The following SEMA5B variants were observed in gnomAD, a reference collection of about 807,000 sequenced individuals.
The protein encoded by SEMA5B is semaphorin 5B.
SEMA5B carries 66 observed loss-of-function variants against 135.0 expected under a neutral mutation model. That is an observed-to-expected ratio of 0.49 (90% CI 0.40 to 0.60). The LOEUF (loss-of-function observed/expected upper bound fraction) is 0.60, where lower values mean the gene tolerates loss of function less well. Ranked by LOEUF, SEMA5B falls within the 20% of genes least tolerant of loss-of-function variation. The pLI, the probability that SEMA5B is intolerant of heterozygous loss-of-function variation, is 0.00. For synonymous variants in SEMA5B, 690 were observed against 639.5 expected (o/e 1.08, Z -1.19); for missense variants, 1,501 against 1,566.3 (o/e 0.96, Z 0.70).
chr3:122,913,764 G>T (rs1937910283), intron 15 of SEMA5B, 83 bp from the exon 16 acceptor site: 4 of 1,576,972 alleles, frequency 2.5e-6, no homozygotes, highest in African/African-American at 1.3e-5. Flanking sequence ...AGACCGGAAA[G>T]GACGAGAGTC....
chr3:122,912,867 C>T lies in SEMA5B; in HGVS notation c.2701G>A (p.Asp901Asn). The T allele has an allele frequency of 6.3e-7, 1 of 1,598,716 alleles. No individual in the cohort carries two copies. The highest frequency in any genetic ancestry group is 8.5e-7 in the Non-Finnish European group (1 of 1,171,704). ...PCVGDAAEYQ[D>N]CNPQACPVRG... The stretch of plus-strand genomic sequence containing the variant: ...CCTGGGCAAGCCTGGGGGTTGCAGT[C>T]CTGGTACTCGGCAGCATCGCCCACG... Residue 901 changes from aspartate (D) to asparagine (N), a missense_variant, in exon 18 of 23, where the codon GAC becomes AAC. Transcript: ENST00000357599.
intron 1 of SEMA5B, among the ~76,000 whole-genome samples, chr3:123,025,983 A>T (rs748024733): frequency 2.0e-5 from 3 of 152,174 alleles, no homozygotes; most frequent in Non-Finnish European, 2.9e-5. Context: ...CCCGGCTTAG[A>T]AAAGGTGAGA....
chr3:122,942,269 G>A (rs1245841424), intron 4 of SEMA5B, among the ~76,000 whole-genome samples: 1 of 152,158 alleles, frequency 6.6e-6, no homozygotes, highest in Non-Finnish European at 1.5e-5. Context: ...CCCCAGGACA[G>A]GAACCCAGCT....
chr3:123,007,404 A>C (rs1383281931), intron 1 of SEMA5B, among the ~76,000 whole-genome samples: 1 of 152,170 alleles, frequency 6.6e-6, no homozygotes, highest in African/African-American at 2.4e-5. Context: ...TCTGCTAAGC[A>C]CTTCTCAATT....
At chr3:122,992,231 A>C (rs1457419143) in intron 1 of SEMA5B, among the ~76,000 whole-genome samples, 1 of 152,236 alleles carries the variant, frequency 6.6e-6, no homozygotes, top group African/African-American at 2.4e-5. Flanking sequence ...TGCTGATAGC[A>C]AAGTGACTCT....
chr3:122,984,461 C>T (rs1461656815), intron 1 of SEMA5B, among the ~76,000 whole-genome samples: 1 of 152,254 alleles, frequency 6.6e-6, no homozygotes, highest in South Asian at 2.1e-4. Flanking sequence ...ATGCCCATGC[C>T]TCTTCACGTC....
At position 122,976,480 on chromosome 3, in the gene SEMA5B, A is replaced by G. The variant is rs546813478; in HGVS notation, c.-38-15179T>C. Among the ~76,000 whole-genome samples the G allele has an allele frequency of 1.5e-3, 231 of 152,258 alleles. 1 individual carries two copies. Among genetic ancestry groups the G allele is most frequent in the African/African-American group, 5.2e-3 (218 of 41,552 alleles). The stretch of plus-strand genomic sequence containing the variant: ...ACAGCTGGTTGGGCCTCACCTGCAG[A>G]GATTCTGATTTAATTGATCTGGGGT... On this transcript the variant is annotated intron_variant, in intron 1 of 22. Transcript: ENST00000357599.
chr3:122,976,586 G>T (rs1459769637), intron 1 of SEMA5B, among the ~76,000 whole-genome samples: 1 of 152,146 alleles, frequency 6.6e-6, no homozygotes, highest in Non-Finnish European at 1.5e-5. Context: ...TTAAAAGACT[G>T]CACAGTGAAC....
At chr3:123,019,871 C>T (rs1237232944) in intron 1 of SEMA5B, among the ~76,000 whole-genome samples, 1 of 152,196 alleles carries the variant, frequency 6.6e-6, no homozygotes, top group Non-Finnish European at 1.5e-5. Context: ...TTCTGTGGAA[C>T]TGATCTGGAG....
At chr3:123,011,332 A>T (rs188583771) in intron 1 of SEMA5B, among the ~76,000 whole-genome samples, 14 of 152,222 alleles carry the variant, frequency 9.2e-5, no homozygotes, top group African/African-American at 3.4e-4. Flanking sequence ...TCGATCATCC[A>T]AGACATGGTC....
chr3:122,928,965 G>A (rs1411415071), intron 6 of SEMA5B, 31 bp downstream of exon 6: 1 of 1,609,384 alleles, frequency 6.2e-7, no homozygotes. Flanking sequence ...CCAGCTCCAG[G>A]TGGGGCCCCT....
chr3:122,977,406 G>A (rs1185928125), intron 1 of SEMA5B, among the ~76,000 whole-genome samples: 5 of 152,184 alleles, frequency 3.3e-5, no homozygotes, highest in Non-Finnish European at 7.3e-5. Flanking sequence ...TACTCATACC[G>A]AAATACTCTT....
At chr3:123,016,890 AT>A (rs59106085) in intron 1 of SEMA5B, among the ~76,000 whole-genome samples, 12,505 of 108,714 alleles carry the variant, frequency 0.12, 459 homozygotes, top group African/African-American at 0.17. Flanking sequence ...CCTCAGGTGC[AT>A]TTTTTTTTTT....
intron 1 of SEMA5B, among the ~76,000 whole-genome samples, chr3:123,014,490 G>A (rs1364473139): frequency 1.3e-5 from 2 of 152,228 alleles, no homozygotes; most frequent in East Asian, 3.9e-4. Context: ...AAGCTGGAAG[G>A]CAGTAGCATT....
intron 1 of SEMA5B, among the ~76,000 whole-genome samples, chr3:122,992,277 G>A (rs1941903474): frequency 6.6e-6 from 1 of 152,202 alleles, no homozygotes; most frequent in South Asian, 2.1e-4. Flanking sequence ...GGGGCTCCAG[G>A]GCAAAAGCAG....
intron 1 of SEMA5B, among the ~76,000 whole-genome samples, chr3:123,006,091 C>T (rs1192479018): frequency 2.0e-5 from 3 of 152,184 alleles, no homozygotes; most frequent in Admixed American, 6.5e-5. Flanking sequence ...GCTCTGTCAA[C>T]CTAAAAGCAC....
intron 22 of SEMA5B, among the ~76,000 whole-genome samples, chr3:122,910,592 G>A (rs917877892): frequency 2.0e-5 from 3 of 152,028 alleles, no homozygotes; most frequent in East Asian, 1.9e-4. Flanking sequence ...GGCGGATCAC[G>A]AGGTCAGGAG....
At chr3:122,922,953 C>G (rs1938441728) in intron 10 of SEMA5B, among the ~76,000 whole-genome samples, 1 of 152,198 alleles carries the variant, frequency 6.6e-6, no homozygotes. Context: ...ACAGTATTAT[C>G]CCTAGTTCCA....
chr3:122,986,166 A>T (rs1177206203), intron 1 of SEMA5B, among the ~76,000 whole-genome samples: 1 of 152,164 alleles, frequency 6.6e-6, no homozygotes, highest in Non-Finnish European at 1.5e-5. Flanking sequence ...TCTTACTCTA[A>T]GTGTGTTGTA....
Sources: allele counts gnomAD v4.1 joint callset (sites outside exome capture counted in the v4.1 genomes callset), GRCh38; gene constraint gnomAD v4.1.1; transcripts MANE v1.5; gene names NCBI Gene and HGNC (gene_info 2026-07-23, HGNC 2026-07-21).